Variants in CUL4A observed in about 807,000 individuals in gnomAD.
CUL4A encodes cullin-4A.
CUL4A carries 16 observed loss-of-function variants against 95.5 expected under a neutral mutation model. That is an observed-to-expected ratio of 0.17 (90% CI 0.11 to 0.25). CUL4A has a LOEUF of 0.25. CUL4A is among the 10% of genes least tolerant of loss of function. The pLI, the probability that CUL4A is intolerant of heterozygous loss-of-function variation, is 1.00. For missense variants in CUL4A, 610 were observed against 937.0 expected (o/e 0.65, Z 4.56); for synonymous variants, 380 against 353.1 (o/e 1.08, Z -0.85).
intron 16 of CUL4A, 63 bp downstream of exon 16, chr13:113,253,258 G>T: frequency 1.2e-6 from 1 of 822,270 alleles, no homozygotes; most frequent in Non-Finnish European, 1.8e-6. Context: ...TTTTTTTATT[G>T]TTACTGGACT....
intron 3 of CUL4A, 69 bp from the exon 4 acceptor site, chr13:113,227,907 C>CAA (rs34413442): frequency 0.036 from 28,028 of 780,258 alleles, 1 homozygote; most frequent in Non-Finnish European, 0.041. Context: ...GACTCCATCT[C>CAA]AAAAAAAAAA....
chr13:113,213,778 G>A (rs999956703), intron 2 of CUL4A, among the ~76,000 whole-genome samples: 5 of 152,188 alleles, frequency 3.3e-5, no homozygotes, highest in Non-Finnish European at 5.9e-5. Context: ...TTCCTCCTTG[G>A]AATGAGACAT....
intron 15 of CUL4A, among the ~76,000 whole-genome samples, chr13:113,248,731 T>G (rs1404089039): frequency 6.6e-6 from 1 of 152,188 alleles, no homozygotes; most frequent in Non-Finnish European, 1.5e-5. Flanking sequence ...TCCCATATAC[T>G]GTAAATAATC....
rs1322392107 is a variant in CUL4A at position 113,265,585 on chromosome 13, CT to C, written c.*2004del. On this transcript the variant is annotated 3_prime_UTR_variant, in exon 20 of 20. Transcript: ENST00000375440. ...GTATTTTTGTAGAGACGGGGTTTCA[CT>C]ATGTTGGCCAGACTGGTCTTGAACT... 2 of 152,232 alleles carry C rather than the reference CT, an allele frequency of 1.3e-5. No homozygotes were observed. 9.4% of individuals were successfully genotyped at this position (152,232 alleles called of 1,614,324 possible).
intron 18 of CUL4A, among the ~76,000 whole-genome samples, chr13:113,258,473 A>G (rs1195340992): frequency 6.6e-6 from 1 of 152,224 alleles, no homozygotes; most frequent in Non-Finnish European, 1.5e-5. Context: ...ATATGTGTAT[A>G]TATGTAAATA....
chr13:113,227,323 C>T (rs1025789507), intron 3 of CUL4A, among the ~76,000 whole-genome samples: 1 of 152,166 alleles, frequency 6.6e-6, no homozygotes, highest in Admixed American at 6.5e-5. Flanking sequence ...GGTGGGGCCC[C>T]GCTTCCTGGT....
upstream of CUL4A, chr13:113,209,587 C>A (rs1401703187): frequency 1.6e-5 from 16 of 971,660 alleles, no homozygotes; most frequent in African/African-American, 2.7e-4. Context: ...GCTCGGCGGG[C>A]GGCGGCGCTC....
In CUL4A at chr13:113,253,169, G is replaced by A; in HGVS notation, c.1726G>A (p.Ala576Thr). 2.5e-6 allele frequency: 4 copies of A among 1,595,506 alleles called. No homozygotes were observed. Among genetic ancestry groups the A allele is most frequent in the Non-Finnish European group, 3.4e-6 (4 of 1,169,582 alleles). Residue 576 changes from alanine to threonine, a missense_variant, in exon 16 of 20, where the codon GCT becomes ACT. Coordinates refer to ENST00000375440, the MANE Select transcript of CUL4A (RefSeq NM_001008895.4). ...TCAGTGGCAAACTACTTTGGGACATGCTGTTTTAAAAGCGGAGTTTAAAGA... is the reference window on the plus strand; with the variant it reads ...TCAGTGGCAAACTACTTTGGGACATACTGTTTTAAAAGCGGAGTTTAAAGA... ...KLQWQTTLGH[A>T]VLKAEFKEGK...
At chr13:113,215,289 A>ATGTGACTATGGAGGTCGCTG (rs1250137181) in intron 2 of CUL4A, among the ~76,000 whole-genome samples, 3 of 135,136 alleles carry the variant, frequency 2.2e-5, no homozygotes, top group Admixed American at 1.5e-4. Flanking sequence ...GGAGGTCGCT[A>ATGTGACTATGGAGGTCGCTG]TGTGACTATG....
rs1411537807 is a variant in CUL4A at position 113,254,960 on chromosome 13, T to C, written c.1866T>C (p.Ser622=). 1 of 1,610,370 alleles carries C rather than the reference T, an allele frequency of 6.2e-7. No homozygotes were observed. The highest frequency in any genetic ancestry group is 1.3e-5 in the African/African-American group (1 of 74,950). The part of the protein sequence containing the change: ...EIKMATGIED[S]ELRRTLQSLA... The stretch of plus-strand genomic sequence containing the variant: ...CATTTGCTTCCCATTCAGAGGATAG[T>C]GAATTGCGCAGAACGCTGCAGTCCC... The change falls in exon 18 of 20, where the codon AGT becomes AGC. Residue 622 remains serine, a synonymous_variant. Coordinates refer to ENST00000375440, the MANE Select transcript of CUL4A (RefSeq NM_001008895.4).
At chr13:113,244,892 T>G in intron 12 of CUL4A, 57 bp from the exon 13 acceptor site, 1 of 1,163,214 alleles carries the variant, frequency 8.6e-7, no homozygotes, top group Non-Finnish European at 1.3e-6. Context: ...GTTTGAAGTT[T>G]AACATTTGCT....
intron 4 of CUL4A, among the ~76,000 whole-genome samples, chr13:113,228,856 C>T (rs1028527299): frequency 1.1e-4 from 16 of 152,238 alleles, no homozygotes; most frequent in African/African-American, 3.1e-4. Context: ...CGCGGTGGCT[C>T]ACGCCTGTAA....
chr13:113,223,581 G>C (rs2040985093), intron 3 of CUL4A, among the ~76,000 whole-genome samples: 1 of 152,184 alleles, frequency 6.6e-6, no homozygotes, highest in South Asian at 2.1e-4. Context: ...ATTTTTAGTA[G>C]AAACGGGGTT....
intron 9 of CUL4A, among the ~76,000 whole-genome samples, chr13:113,237,152 C>G (rs756605036): frequency 6.6e-6 from 1 of 152,222 alleles, no homozygotes; most frequent in Admixed American, 6.5e-5. Flanking sequence ...TTCTGTACCA[C>G]ACTCATGCTG....
chr13:113,249,805 T>C (rs943328901), intron 15 of CUL4A, among the ~76,000 whole-genome samples: 2 of 152,190 alleles, frequency 1.3e-5, no homozygotes, highest in Non-Finnish European at 2.9e-5. Context: ...TATGAGCTGG[T>C]CTCTCATCTT....
In CUL4A at chr13:113,235,162, C is replaced by T. The variant is rs369593634; in HGVS notation, c.848+17C>T. ...CAGCACACAGTAAGTACCGTTTGCT[C>T]GCTGAGCGTTCGTATCTTCACCATG... On this transcript the variant is annotated intron_variant, in intron 8 of 19. Transcript: ENST00000375440. The T allele has an allele frequency of 9.7e-5, 151 of 1,555,420 alleles. No individual in the cohort carries two copies. Among genetic ancestry groups the T allele is most frequent in the Non-Finnish European group, 1.2e-4 (138 of 1,129,850 alleles).
intron 2 of CUL4A, among the ~76,000 whole-genome samples, chr13:113,218,732 AC>A (rs1424346017): frequency 6.6e-6 from 1 of 152,068 alleles, no homozygotes; most frequent in Non-Finnish European, 1.5e-5. Context: ...TGTTACCTCT[AC>A]CCCCATGCCA....
At chr13:113,257,177 G>T (rs1312678028) in intron 18 of CUL4A, among the ~76,000 whole-genome samples, 3 of 151,848 alleles carry the variant, frequency 2.0e-5, no homozygotes, top group African/African-American at 7.3e-5. Context: ...CACCCATCTC[G>T]GCCTCCCAAA....
intron 6 of CUL4A, 88 bp downstream of exon 6, chr13:113,233,427 G>A: frequency 5.4e-6 from 7 of 1,301,442 alleles, no homozygotes; most frequent in Non-Finnish European, 7.5e-6. Context: ...GTTAAACAAT[G>A]AAATCATAAA....
Sources: allele counts gnomAD v4.1 joint callset (sites outside exome capture counted in the v4.1 genomes callset), GRCh38; gene constraint gnomAD v4.1.1; transcripts MANE v1.5; gene names NCBI Gene and HGNC (gene_info 2026-07-23, HGNC 2026-07-21).